The following SCMH1 variants were observed in gnomAD, a reference collection of about 807,000 sequenced individuals.
The protein encoded by SCMH1 is polycomb protein SCMH1.
Under a neutral mutation model 70.8 loss-of-function variants are expected in SCMH1, and 37 were observed. The observed-to-expected ratio is 0.52, with a 90% CI of 0.40 to 0.69. SCMH1 has a LOEUF of 0.69. Among genes scored for constraint, SCMH1 ranks in the 30% least tolerant of loss-of-function variants. SCMH1 has a pLI of 0.00. For missense variants in SCMH1, 607 were observed against 827.3 expected (o/e 0.73, Z 3.27); for synonymous variants, 292 against 307.4 (o/e 0.95, Z 0.52).
intron 1 of SCMH1, among the ~76,000 whole-genome samples, chr1:41,221,012 C>T (rs1408821299): frequency 6.6e-6 from 1 of 152,110 alleles, no homozygotes; most frequent in Non-Finnish European, 1.5e-5. Flanking sequence ...TGAATAAAGT[C>T]ATTTATTGGC....
intron 10 of SCMH1, among the ~76,000 whole-genome samples, chr1:41,061,934 G>A (rs1652809991): frequency 6.6e-6 from 1 of 151,676 alleles, no homozygotes; most frequent in Non-Finnish European, 1.5e-5. Flanking sequence ...TTGTGATCTT[G>A]GCTCACTGCA....
chr1:41,077,804 T>G (rs1265444389), intron 8 of SCMH1, among the ~76,000 whole-genome samples: 1 of 152,192 alleles, frequency 6.6e-6, no homozygotes, highest in Non-Finnish European at 1.5e-5. Context: ...TTCTTTCTCA[T>G]GGAAGATACC....
intron 1 of SCMH1, among the ~76,000 whole-genome samples, chr1:41,215,263 T>C (rs1253373011): frequency 6.6e-6 from 1 of 152,162 alleles, no homozygotes; most frequent in Non-Finnish European, 1.5e-5. Flanking sequence ...TTCCATCCTA[T>C]AAAAGACAAC....
intron 9 of SCMH1, among the ~76,000 whole-genome samples, 160 bp from the exon 10 acceptor site, chr1:41,070,881 C>A (rs1391948089): frequency 6.6e-6 from 1 of 152,110 alleles, no homozygotes; most frequent in East Asian, 1.9e-4. Context: ...TATACATATA[C>A]CTGTAGTAGA....
Position 41,207,520 on chromosome 1 carries a change from G to A in SCMH1, c.-117-21270C>T, listed in dbSNP as rs12120598. Among the ~76,000 whole-genome samples the A allele has an allele frequency of 9.7e-3, 1,482 of 152,276 alleles. 11 individuals are homozygous for A. The highest frequency in any genetic ancestry group is 0.015 in the Non-Finnish European group (989 of 68,026). On this transcript the variant is annotated intron_variant, in intron 1 of 14. Coordinates refer to ENST00000337495, the Ensembl canonical transcript of SCMH1. ...CCTAAATATATATGTATCCAATACA[G>A]GAGCACCCAGATTCATAAAGCAAGT... is the stretch of plus-strand genomic sequence containing the variant.
At chr1:41,173,717 G>A (rs1417346123) in intron 2 of SCMH1, among the ~76,000 whole-genome samples, 2 of 152,082 alleles carry the variant, frequency 1.3e-5, no homozygotes, top group Non-Finnish European at 2.9e-5. Flanking sequence ...CAACCAAAGT[G>A]TCCATCATTA....
At chr1:41,153,314 T>G (rs1645236284) in intron 4 of SCMH1, among the ~76,000 whole-genome samples, 2 of 152,148 alleles carry the variant, frequency 1.3e-5, no homozygotes. Flanking sequence ...TGTGGGTACG[T>G]AAGAAACTAA....
chr1:41,157,915 G>A (rs1409194551), intron 4 of SCMH1, among the ~76,000 whole-genome samples: 1 of 152,084 alleles, frequency 6.6e-6, no homozygotes, highest in Admixed American at 6.6e-5. Flanking sequence ...AATCTTTACT[G>A]TTTAACACAG....
At chr1:41,184,081 TA>T (rs1376794201) in intron 2 of SCMH1, among the ~76,000 whole-genome samples, 4 of 152,172 alleles carry the variant, frequency 2.6e-5, no homozygotes, top group African/African-American at 9.7e-5. Flanking sequence ...AAAATATTAT[TA>T]AAATGGTAAA....
chr1:41,183,824 T>C (rs144892840), intron 2 of SCMH1, among the ~76,000 whole-genome samples: 279 of 152,242 alleles, frequency 1.8e-3, no homozygotes, highest in African/African-American at 6.6e-3. Context: ...TAATAAACAA[T>C]AACTGAAAAC....
intron 8 of SCMH1, among the ~76,000 whole-genome samples, chr1:41,091,807 C>T (rs1394842620): frequency 6.6e-6 from 1 of 152,170 alleles, no homozygotes; most frequent in African/African-American, 2.4e-5. Flanking sequence ...AGGAATCCAA[C>T]TTACAAAGGA....
chr1:41,212,233 A>T (rs1657188479), intron 1 of SCMH1, among the ~76,000 whole-genome samples: 1 of 152,200 alleles, frequency 6.6e-6, no homozygotes, highest in Non-Finnish European at 1.5e-5. Context: ...CAACAGGATC[A>T]TTACATAAAG....
intron 5 of SCMH1, among the ~76,000 whole-genome samples, chr1:41,146,594 C>T (rs894205830): frequency 1.3e-5 from 2 of 151,804 alleles, no homozygotes; most frequent in Admixed American, 6.6e-5. Context: ...TTTACATAGA[C>T]GAATACCATT....
chr1:41,226,510 G>A (rs1360143269), intron 1 of SCMH1, among the ~76,000 whole-genome samples: 1 of 152,098 alleles, frequency 6.6e-6, no homozygotes, highest in Non-Finnish European at 1.5e-5. Context: ...ACAGAAAAAG[G>A]CGAAAGTAGT....
chr1:41,032,857 T>G lies in SCMH1; in HGVS notation c.1679-4131A>C, dbSNP rs1024915968. Among the ~76,000 whole-genome samples the G allele has an allele frequency of 3.1e-4, 47 of 151,744 alleles. 1 individual carries two copies. The highest frequency in any genetic ancestry group is 1.0e-4 in the Non-Finnish European group (7 of 67,972). On this transcript the variant is annotated intron_variant, in intron 13 of 14. Coordinates refer to ENST00000337495, the Ensembl canonical transcript of SCMH1. The stretch of plus-strand genomic sequence containing the variant: ...AGCAGGGCGTAGTGGCAGGCACCTG[T>G]AATCCCAGCTACTCGGGAGGCTGAG...
chr1:41,069,139 CG>C (rs1397350929), intron 10 of SCMH1, among the ~76,000 whole-genome samples: 9 of 152,092 alleles, frequency 5.9e-5, no homozygotes, highest in African/African-American at 2.2e-4. Flanking sequence ...AAAGTAATCA[CG>C]GTATACTACA....
intron 2 of SCMH1, among the ~76,000 whole-genome samples, chr1:41,168,988 T>C (rs1227824123): frequency 6.6e-6 from 1 of 152,222 alleles, no homozygotes; most frequent in African/African-American, 2.4e-5. Context: ...TGAGCATTTA[T>C]GTCCCACTCT....
intron 13 of SCMH1, among the ~76,000 whole-genome samples, chr1:41,031,561 G>A (rs919679869): frequency 2.0e-5 from 3 of 152,236 alleles, no homozygotes; most frequent in African/African-American, 7.2e-5. Context: ...AGAGCCAGCA[G>A]GGGCTGCTTA....
intron 8 of SCMH1, among the ~76,000 whole-genome samples, chr1:41,078,261 T>C (rs563512055): frequency 2.4e-4 from 37 of 152,006 alleles, no homozygotes; most frequent in Admixed American, 1.8e-3. Context: ...ACACAGTCAA[T>C]AGGTCCAAAA....
Sources: gnomAD v4.1 joint callset for allele counts (sites outside exome capture counted in the v4.1 genomes callset) on GRCh38, gnomAD v4.1.1 for gene constraint, MANE v1.5 for transcripts, NCBI Gene and HGNC (gene_info 2026-07-23, HGNC 2026-07-21) for gene names.